The following MCUB variants were observed in gnomAD, a reference collection of about 807,000 sequenced individuals.
MCUB encodes mitochondrial calcium uniporter dominant negative subunit beta, also known as calcium uniporter regulatory subunit MCUb, mitochondrial.
In MCUB, 46 loss-of-function variants were observed where a neutral mutation model predicts 41.4. The ratio of observed to expected loss-of-function variants is 1.11; its 90% CI spans 0.88 to 1.42. MCUB has a LOEUF of 1.42. MCUB is among the 40% of genes most tolerant of loss of function. The pLI, the probability that MCUB is intolerant of heterozygous loss-of-function variation, is 0.00. For missense variants in MCUB, 403 were observed against 404.9 expected (o/e 1.00, Z 0.04); for synonymous variants, 148 against 148.2 (o/e 1.00, Z 0.01).
At chr4:109,650,086 A>G (rs369824439) in intron 1 of MCUB, among the ~76,000 whole-genome samples, 60 of 152,306 alleles carry the variant, frequency 3.9e-4, no homozygotes, top group African/African-American at 1.3e-3. Context: ...TAGGCTCCTC[A>G]AGATGGGTTT....
In MCUB at chr4:109,588,410, G is replaced by A. The variant is rs1439903065; in HGVS notation, c.99+27974G>A. Among the ~76,000 whole-genome samples the A allele has an allele frequency of 3.9e-5, 6 of 152,066 alleles. 1 individual carries two copies. The highest frequency in any genetic ancestry group is 9.7e-5 in the African/African-American group (4 of 41,386). ...GTGTGACTGCAGTGAGAATGAGCTC[G>A]GTATTTGAGTCACTGAATTCAGTTG... On this transcript the variant is annotated intron_variant, in intron 1 of 7. Transcript: ENST00000394650.
At chr4:109,565,309 A>G (rs1338138003) in intron 1 of MCUB, among the ~76,000 whole-genome samples, 3 of 152,234 alleles carry the variant, frequency 2.0e-5, no homozygotes, top group Admixed American at 6.5e-5. Context: ...ACCACTGGCT[A>G]TACGCTTCAC....
intron 4 of MCUB, among the ~76,000 whole-genome samples, chr4:109,674,318 G>A (rs1469634522): frequency 1.3e-5 from 2 of 152,180 alleles, no homozygotes; most frequent in African/African-American, 4.8e-5. Context: ...TACTAACTCC[G>A]TCATTCAAGG....
intron 1 of MCUB, among the ~76,000 whole-genome samples, chr4:109,641,339 C>T (rs1428514760): frequency 1.3e-5 from 2 of 150,992 alleles, no homozygotes; most frequent in African/African-American, 2.4e-5. Flanking sequence ...CTCCTGACCT[C>T]GTGATCCGCC....
intron 1 of MCUB, among the ~76,000 whole-genome samples, chr4:109,622,904 A>C (rs1372429408): frequency 6.6e-6 from 1 of 152,210 alleles, no homozygotes; most frequent in Non-Finnish European, 1.5e-5. Flanking sequence ...CGCATCATGC[A>C]GGTCAACAAC....
chr4:109,616,902 T>C (rs1426625106), intron 1 of MCUB, among the ~76,000 whole-genome samples: 1 of 152,188 alleles, frequency 6.6e-6, no homozygotes, highest in Non-Finnish European at 1.5e-5. Flanking sequence ...TGTTCATGGA[T>C]TTCTGGTATT....
intron 4 of MCUB, among the ~76,000 whole-genome samples, chr4:109,664,957 T>G (rs1451985691): frequency 1.3e-5 from 2 of 151,348 alleles, no homozygotes; most frequent in Admixed American, 6.6e-5. Flanking sequence ...AAAAAAAAAT[T>G]GTATTATTTA....
At chr4:109,580,566 G>A (rs1044962686) in intron 1 of MCUB, among the ~76,000 whole-genome samples, 8 of 152,196 alleles carry the variant, frequency 5.3e-5, no homozygotes, top group African/African-American at 1.7e-4. Flanking sequence ...TTTAATGATT[G>A]CCATTCTAAC....
chr4:109,619,016 C>G (rs1001387920), intron 1 of MCUB, among the ~76,000 whole-genome samples: 3 of 140,448 alleles, frequency 2.1e-5, no homozygotes, highest in African/African-American at 8.0e-5. Context: ...ACCTACCTAC[C>G]TATCTACCTG....
At chr4:109,588,646 A>G (rs1727364692) in intron 1 of MCUB, among the ~76,000 whole-genome samples, 1 of 152,172 alleles carries the variant, frequency 6.6e-6, no homozygotes, top group Non-Finnish European at 1.5e-5. Context: ...GAAGGGTTAC[A>G]TTTCTTAGTT....
At chr4:109,631,215 C>G (rs1473059433) in intron 1 of MCUB, among the ~76,000 whole-genome samples, 2 of 152,182 alleles carry the variant, frequency 1.3e-5, no homozygotes, top group Non-Finnish European at 2.9e-5. Flanking sequence ...CTGTACAGTT[C>G]TGTTTGTTGT....
intron 1 of MCUB, among the ~76,000 whole-genome samples, chr4:109,650,291 G>A (rs1317503675): frequency 6.6e-6 from 1 of 152,008 alleles, no homozygotes; most frequent in Non-Finnish European, 1.5e-5. Context: ...TATTCTTGGG[G>A]TTTCTAAATA....
At chr4:109,648,262 T>C (rs1370381805) in intron 1 of MCUB, among the ~76,000 whole-genome samples, 3 of 152,166 alleles carry the variant, frequency 2.0e-5, no homozygotes, top group Non-Finnish European at 4.4e-5. Context: ...TACAGGAATA[T>C]AATTTCAGTG....
At chr4:109,591,103 A>T (rs1453805418) in intron 1 of MCUB, among the ~76,000 whole-genome samples, 2 of 152,060 alleles carry the variant, frequency 1.3e-5, no homozygotes, top group African/African-American at 4.8e-5. Flanking sequence ...GCCTTCTGAC[A>T]TGCCTTTCCT....
chr4:109,593,839 A>G (rs1727494676), intron 1 of MCUB, among the ~76,000 whole-genome samples: 1 of 152,110 alleles, frequency 6.6e-6, no homozygotes, highest in Non-Finnish European at 1.5e-5. Context: ...TTTTTTCCAG[A>G]TCATTTAGCT....
chr4:109,585,203 G>A (rs567990782), intron 1 of MCUB, among the ~76,000 whole-genome samples: 1 of 152,226 alleles, frequency 6.6e-6, no homozygotes, highest in South Asian at 2.1e-4. Context: ...ATTAGGCAAT[G>A]GCCTTCTTTG....
At chr4:109,670,372 A>G (rs192994076) in intron 4 of MCUB, among the ~76,000 whole-genome samples, 33 of 152,112 alleles carry the variant, frequency 2.2e-4, no homozygotes, top group African/African-American at 7.2e-4. Flanking sequence ...TGAAATCCCA[A>G]TCGGTTAGGC....
chr4:109,629,303 A>G (rs1260281153), intron 1 of MCUB, among the ~76,000 whole-genome samples: 1 of 152,138 alleles, frequency 6.6e-6, no homozygotes, highest in African/African-American at 2.4e-5. Flanking sequence ...ACTGTTTACT[A>G]GAAATTTGAT....
At position 109,633,148 on chromosome 4, in the gene MCUB, CAG is replaced by C. The variant is rs961620747; in HGVS notation, c.100-25861_100-25860del. ...GAAATGTATGACTATAAATTTATAA[CAG>C]AAGCGACAGAAGTGAAGAAATACCT... is the stretch of plus-strand genomic sequence containing the variant. On this transcript the variant is annotated intron_variant, in intron 1 of 7. Transcript: ENST00000394650. Among the ~76,000 whole-genome samples, 509 of 152,182 alleles carry C rather than the reference CAG, an allele frequency of 3.3e-3. 2 individuals carry two copies. Among genetic ancestry groups the C allele is most frequent in the African/African-American group, 0.011 (471 of 41,518 alleles).
Sources: gnomAD v4.1 joint callset for allele counts (sites outside exome capture counted in the v4.1 genomes callset) on GRCh38, gnomAD v4.1.1 for gene constraint, MANE v1.5 for transcripts, NCBI Gene and HGNC (gene_info 2026-07-23, HGNC 2026-07-21) for gene names.